Variants in CTNNA2 observed in about 807,000 individuals in gnomAD.
CTNNA2 encodes the protein catenin alpha 2, also known as catenin alpha-2.
CTNNA2 carries 42 observed loss-of-function variants against 101.0 expected under a neutral mutation model. The ratio of observed to expected loss-of-function variants is 0.42; its 90% CI spans 0.32 to 0.54. The LOEUF (loss-of-function observed/expected upper bound fraction) is 0.54, where lower values mean the gene tolerates loss of function less well. Ranked by LOEUF, CTNNA2 falls within the 20% of genes least tolerant of loss-of-function variation. The probability of loss-of-function intolerance (pLI) is 0.14; values close to 1 mark genes in which losing one functional copy is unlikely to be tolerated. For synonymous variants in CTNNA2, 450 were observed against 456.4 expected, an observed-to-expected ratio of 0.99 and a Z score of 0.18; for missense variants, 871 against 1,223.1, an observed-to-expected ratio of 0.71 and a Z score of 4.29.
chr2:79,190,996 C>T (rs1467005349), intron 1 of CTNNA2, among the ~76,000 whole-genome samples: 1 of 152,176 alleles, frequency 6.6e-6, no homozygotes, highest in East Asian at 1.9e-4. Flanking sequence ...ACTGGCTTTT[C>T]TACCTTTTCA....
At chr2:80,147,436 TG>T (rs1371762096) in intron 7 of CTNNA2, among the ~76,000 whole-genome samples, 1 of 152,114 alleles carries the variant, frequency 6.6e-6, no homozygotes, top group Non-Finnish European at 1.5e-5. Context: ...AACATAAAAA[TG>T]GCGAATGGAT....
At chr2:79,185,587 C>T (rs1673767099) in intron 1 of CTNNA2, 1 of 152,026 alleles carries the variant, frequency 6.6e-6, no homozygotes, top group East Asian at 1.9e-4. Flanking sequence ...TAATAAAATA[C>T]AGAATTAGCA....
At chr2:79,908,856 G>C (rs992838394) in intron 6 of CTNNA2, among the ~76,000 whole-genome samples, 1 of 152,072 alleles carries the variant, frequency 6.6e-6, no homozygotes, top group African/African-American at 2.4e-5. Context: ...ATCTACCTCG[G>C]GGCATCTCTG....
upstream of CTNNA2, among the ~76,000 whole-genome samples, chr2:79,512,327 A>G (rs1381667788): frequency 6.6e-6 from 1 of 152,200 alleles, no homozygotes; most frequent in Non-Finnish European, 1.5e-5. Flanking sequence ...CACGGAGAAA[A>G]TATTCAACAA....
At chr2:80,210,877 G>A (rs1707844656) in intron 7 of CTNNA2, among the ~76,000 whole-genome samples, 3 of 152,138 alleles carry the variant, frequency 2.0e-5, no homozygotes, top group African/African-American at 4.8e-5. Flanking sequence ...TCCAGCTCCT[G>A]TTGTCTCCTG....
chr2:80,239,952 C>A (rs1003834230), intron 7 of CTNNA2, among the ~76,000 whole-genome samples: 1 of 151,940 alleles, frequency 6.6e-6, no homozygotes, highest in Admixed American at 6.6e-5. Context: ...AAAACAAAGT[C>A]ATAACAATAT....
chr2:79,764,468 G>GTAC (rs1445865068), intron 3 of CTNNA2, among the ~76,000 whole-genome samples: 6 of 152,272 alleles, frequency 3.9e-5, no homozygotes, highest in Non-Finnish European at 8.8e-5. Context: ...TTGAAGTCTA[G>GTAC]TAATGTTGAA....
At chr2:79,612,269 G>A (rs1411394728) in intron 1 of CTNNA2, among the ~76,000 whole-genome samples, 1 of 152,136 alleles carries the variant, frequency 6.6e-6, no homozygotes, top group Non-Finnish European at 1.5e-5. Context: ...GTATAAGGTA[G>A]CAAATGTTTC....
chr2:79,778,385 C>G (rs1484168584), intron 3 of CTNNA2, among the ~76,000 whole-genome samples: 1 of 151,684 alleles, frequency 6.6e-6, no homozygotes, highest in Non-Finnish European at 1.5e-5. Flanking sequence ...CTTTTGTGTT[C>G]CATTATATCA....
At chr2:80,310,959 C>T (rs184003717) in intron 7 of CTNNA2, among the ~76,000 whole-genome samples, 298 of 131,994 alleles carry the variant, frequency 2.3e-3, no homozygotes, top group Non-Finnish European at 3.7e-3. Context: ...GGTGACAGTG[C>T]GAGACTCCAT....
At chr2:79,958,504 C>G (rs1689399186) in intron 7 of CTNNA2, among the ~76,000 whole-genome samples, 1 of 152,016 alleles carries the variant, frequency 6.6e-6, no homozygotes, top group African/African-American at 2.4e-5. Flanking sequence ...TGTTGCTGGG[C>G]TTGAAGATGG....
At chr2:80,237,348 T>G (rs1709600415) in intron 7 of CTNNA2, among the ~76,000 whole-genome samples, 1 of 152,174 alleles carries the variant, frequency 6.6e-6, no homozygotes, top group Admixed American at 6.6e-5. Flanking sequence ...TGCATGATAT[T>G]TTGACTTTAG....
At chr2:80,576,407 C>G (rs528787910) in intron 13 of CTNNA2, 1 of 137,120 alleles carries the variant, frequency 7.3e-6, no homozygotes, top group African/African-American at 2.7e-5. Context: ...TGAGGCTTGT[C>G]CATTGGGATC....
intron 7 of CTNNA2, among the ~76,000 whole-genome samples, chr2:80,030,320 A>G (rs980170640): frequency 6.6e-5 from 10 of 152,174 alleles, no homozygotes; most frequent in African/African-American, 1.9e-4. Context: ...CCAATTCTTA[A>G]TGATGAAACT....
chr2:80,446,615 A>T (rs1371953518), intron 9 of CTNNA2, among the ~76,000 whole-genome samples: 3 of 152,154 alleles, frequency 2.0e-5, no homozygotes, highest in Admixed American at 6.6e-5. Flanking sequence ...TGGAAAAAAA[A>T]ATCATGTAAG....
Position 79,913,437 on chromosome 2 carries a change from C to T in CTNNA2, c.1056+3640C>T, listed in dbSNP as rs571587135. Among the ~76,000 whole-genome samples the T allele has an allele frequency of 1.4e-4, 22 of 152,256 alleles. No homozygotes were observed. The South Asian group carries it at 2.1e-3, about 14-fold the overall frequency. Reference sequence around the variant, plus strand: ...TGGCGTCTGTATGGTGCTGAGGCATCAGTCGGTGCAGGGTGTGGTGAACCA... The same window carrying T: ...TGGCGTCTGTATGGTGCTGAGGCATTAGTCGGTGCAGGGTGTGGTGAACCA... On this transcript the variant is annotated intron_variant, in intron 7 of 18. Coordinates refer to ENST00000402739, the MANE Select transcript of CTNNA2 (RefSeq NM_001282597.3).
intron 18 of CTNNA2, among the ~76,000 whole-genome samples, chr2:80,620,012 T>A (rs1195957146): frequency 1.3e-5 from 2 of 151,846 alleles, no homozygotes; most frequent in Non-Finnish European, 2.9e-5. Flanking sequence ...TTTCTCCACT[T>A]CTTTCCTCGT....
intron 7 of CTNNA2, among the ~76,000 whole-genome samples, chr2:80,100,689 G>T (rs1269849013): frequency 6.6e-6 from 1 of 152,138 alleles, no homozygotes; most frequent in Non-Finnish European, 1.5e-5. Flanking sequence ...AGGTATTCCA[G>T]GTGTTTGGTG....
chr2:79,356,341 C>T (rs898382242), intron 3 of CTNNA2, among the ~76,000 whole-genome samples: 1 of 151,912 alleles, frequency 6.6e-6, no homozygotes, highest in Non-Finnish European at 1.5e-5. Context: ...TTTATAAATT[C>T]TTATTACTAT....
Sources: allele counts gnomAD v4.1 joint callset (sites outside exome capture counted in the v4.1 genomes callset), GRCh38; gene constraint gnomAD v4.1.1; transcripts MANE v1.5; gene names NCBI Gene and HGNC (gene_info 2026-07-23, HGNC 2026-07-21).